The following TMBIM1 variants were observed in gnomAD, a reference collection of about 807,000 sequenced individuals.
The protein encoded by TMBIM1 is transmembrane BAX inhibitor motif containing 1.
In TMBIM1, 34 loss-of-function variants were observed where a neutral mutation model predicts 45.1. The observed-to-expected ratio is 0.75, with a 90% CI of 0.57 to 1.00. The LOEUF is 1.00. Among genes scored for constraint, TMBIM1 ranks in the 50% least tolerant of loss-of-function variants. The pLI is 0.00. For synonymous variants in TMBIM1, 157 were observed against 153.5 expected, an observed-to-expected ratio of 1.02 and a Z score of -0.17; for missense variants, 374 against 402.4, an observed-to-expected ratio of 0.93 and a Z score of 0.60.
intron 5 of TMBIM1, among the ~76,000 whole-genome samples, chr2:218,278,823 G>A (rs1691543979): frequency 1.3e-5 from 2 of 152,204 alleles, no homozygotes; most frequent in African/African-American, 4.8e-5. Flanking sequence ...CAGCGTGCAC[G>A]CCACCACCAG....
chr2:218,275,454 G>T lies in TMBIM1; in HGVS notation c.*21C>A, dbSNP rs762590223. The T allele has an allele frequency of 1.4e-5, 22 of 1,606,704 alleles. No individual in the cohort carries two copies. The highest frequency in any genetic ancestry group is 1.7e-5 in the Non-Finnish European group (20 of 1,175,944). The stretch of plus-strand genomic sequence containing the variant: ...CTTGGAAGGGAGAGCCCAGGATCGG[G>T]TGAAAATGGGGGCTTGCTCCTTAAT... On this transcript the variant is annotated 3_prime_UTR_variant, in exon 12 of 12. Coordinates refer to ENST00000258412, the MANE Select transcript of TMBIM1 (RefSeq NM_022152.6).
At position 218,279,388 on chromosome 2, in the gene TMBIM1, G is replaced by T. The variant is rs150890717; in HGVS notation, c.304-35C>A. Reference sequence around the variant, plus strand: ...GACGGCCGGGCATGGGTCACCATCCGGCACCCCTGGCCTGCCCCAGGAAGC... The same window carrying T: ...GACGGCCGGGCATGGGTCACCATCCTGCACCCCTGGCCTGCCCCAGGAAGC... On this transcript the variant is annotated intron_variant, in intron 3 of 11. Coordinates refer to ENST00000258412, the MANE Select transcript of TMBIM1 (RefSeq NM_022152.6). 14,347 of 1,522,444 alleles carry T rather than the reference G, an allele frequency of 9.4e-3. 89 individuals carry two copies. The highest frequency in any genetic ancestry group is 0.011 in the Non-Finnish European group (13,022 of 1,134,688). The allele number at this position is 1,522,444 out of a possible 1,614,324, so 94.3% of individuals were successfully genotyped here.
intron 3 of TMBIM1, chr2:218,279,640 C>G (rs1691660595): frequency 2.1e-6 from 1 of 487,400 alleles, no homozygotes; most frequent in Non-Finnish European, 3.7e-6. Flanking sequence ...GCACTCCCAG[C>G]AGCTCAGTCT....
Position 218,278,516 on chromosome 2 carries a change from T to C in TMBIM1, c.472A>G (p.Arg158Gly), listed in dbSNP as rs1425347266. Residue 158 changes from arginine to glycine, a missense_variant and splice_region_variant, in exon 6 of 12, where the codon AGA (arginine) becomes GGA (glycine). Transcript: ENST00000258412. Reference sequence around the variant, plus strand: ...CTGTGTTAAGTCTCTGGGACTCACCTGGGTCCCTGGCAGCAGGCAAGGATC... The same window carrying C: ...CTGTGTTAAGTCTCTGGGACTCACCCGGGTCCCTGGCAGCAGGCAAGGATC... ...YLILACCQGPRRRFPWNIILL... is the reference protein window; with the variant it reads ...YLILACCQGPGRRFPWNIILL... 1 of 1,614,112 alleles carries C rather than the reference T, an allele frequency of 6.2e-7. No individual in the cohort carries two copies. The highest frequency in any genetic ancestry group is 1.3e-5 in the African/African-American group (1 of 75,054).
chr2:218,277,571 AG>A, intron 8 of TMBIM1, 61 bp downstream of exon 8: 2 of 1,612,296 alleles, frequency 1.2e-6, no homozygotes, highest in Non-Finnish European at 1.7e-6. Flanking sequence ...CTGCCGGCCC[AG>A]GAACACCCCA....
chr2:218,276,152 C>G, intron 10 of TMBIM1, 73 bp from the exon 11 acceptor site: 1 of 1,529,758 alleles, frequency 6.5e-7, no homozygotes. Flanking sequence ...CCAGCTTCCC[C>G]CGGGATAGTG....
rs766464557 is a variant in TMBIM1 at position 218,276,122 on chromosome 2, A to C, written c.736-43T>G. On this transcript the variant is annotated intron_variant, in intron 10 of 11. Coordinates refer to ENST00000258412, the MANE Select transcript of TMBIM1 (RefSeq NM_022152.6). ...AGAGAATGGCATTAGAAACCTCAGC[A>C]AACCACAGGCCCACAGGCCCCAGCT... 1.3e-5 allele frequency: 21 copies of C among 1,601,538 alleles called. No individual in the cohort carries two copies. The Middle Eastern group carries it at 5.0e-4, about 38-fold the overall frequency.
intron 6 of TMBIM1, chr2:218,278,191 G>T: frequency 1.6e-6 from 1 of 617,694 alleles, no homozygotes; most frequent in Non-Finnish European, 2.8e-6. Context: ...AGAAACACCT[G>T]GATTGGTTTG....
chr2:218,277,317 A>G (rs772282650), intron 9 of TMBIM1, 49 bp downstream of exon 9: 3 of 1,568,506 alleles, frequency 1.9e-6, no homozygotes, highest in African/African-American at 2.7e-5. Flanking sequence ...TCCGGGCCTG[A>G]TAAGAAAGGG....
chr2:218,276,899 G>T (rs1691272299), intron 10 of TMBIM1, 105 bp downstream of exon 10: 2 of 900,548 alleles, frequency 2.2e-6, no homozygotes, highest in Non-Finnish European at 3.6e-6. Context: ...GGTTCTGGAG[G>T]TCAGAGCCTG....
intron 1 of TMBIM1, chr2:218,287,350 C>G (rs1692603046): frequency 6.6e-6 from 1 of 152,276 alleles, no homozygotes; most frequent in Admixed American, 6.5e-5. Flanking sequence ...CACACACCCT[C>G]TCCCAAGGAG....
intron 2 of TMBIM1, among the ~76,000 whole-genome samples, chr2:218,281,426 C>G (rs1237114552): frequency 6.6e-6 from 1 of 152,208 alleles, no homozygotes; most frequent in Non-Finnish European, 1.5e-5. Context: ...CGTGAGCCAC[C>G]GCGGCCGGCC....
Position 218,277,641 on chromosome 2 carries a change from G to A in TMBIM1, c.543C>T (p.Thr181=), listed in dbSNP as rs1233239925. Residue 181 remains threonine, a synonymous_variant, in exon 8 of 12, where the codon ACC becomes ACT. Coordinates refer to ENST00000258412, the MANE Select transcript of TMBIM1 (RefSeq NM_022152.6). The part of the protein sequence containing the change: ...FTFAMGFMTG[T]ISSMYQTKAV... ...TTTATCCCTGAATGTACCTGGAAAT[G>A]GTGCCCGTCATGAAGCCCATGGCAA... is the stretch of plus-strand genomic sequence containing the variant. 3.1e-6 allele frequency: 5 copies of A among 1,614,080 alleles called. No homozygotes were observed. The highest frequency in any genetic ancestry group is 4.2e-6 in the Non-Finnish European group (5 of 1,180,050).
Position 218,277,102 on chromosome 2 carries a change from G to A in TMBIM1, c.640-3C>T, listed in dbSNP as rs1481923628. On this transcript the variant is annotated splice_polypyrimidine_tract_variant and splice_region_variant and intron_variant, in intron 9 of 11. Transcript: ENST00000258412. ...CCTGTGCACGAGGTGAAGTCCACCT[G>A]CCAGGAAGCAAGAAAGAGGCACCTG... is the stretch of plus-strand genomic sequence containing the variant. The A allele has an allele frequency of 6.2e-7, 1 of 1,613,700 alleles. No homozygotes were observed. The highest frequency in any genetic ancestry group is 1.3e-5 in the African/African-American group (1 of 75,052).
intron 2 of TMBIM1, among the ~76,000 whole-genome samples, chr2:218,281,495 C>T (rs1691989075): frequency 6.6e-6 from 1 of 152,224 alleles, no homozygotes; most frequent in South Asian, 2.1e-4. Flanking sequence ...CCAAACTTGG[C>T]TCCAAATGTC....
At chr2:218,279,122 C>T in intron 4 of TMBIM1, 31 bp from the exon 5 acceptor site, 1 of 1,613,652 alleles carries the variant, frequency 6.2e-7, no homozygotes, top group Non-Finnish European at 8.5e-7. Context: ...GGAGTAGTCA[C>T]CCTGAGGCTT....
chr2:218,291,827 A>G (rs566941501), intron 1 of TMBIM1, among the ~76,000 whole-genome samples: 1 of 152,308 alleles, frequency 6.6e-6, no homozygotes, highest in African/African-American at 2.4e-5. Flanking sequence ...GCCGGGAAAC[A>G]GTGGCTGGAA....
chr2:218,278,515 C>T lies in TMBIM1; in HGVS notation c.473G>A (p.Arg158Lys). ...YLILACCQGP[R>K]RRFPWNIILL... ...ACTGTGTTAAGTCTCTGGGACTCAC[C>T]TGGGTCCCTGGCAGCAGGCAAGGAT... Residue 158 changes from arginine (R) to lysine (K), a missense_variant and splice_region_variant, in exon 6 of 12, where the codon AGA becomes AAA. Transcript: ENST00000258412. 2.5e-6 allele frequency: 4 copies of T among 1,614,122 alleles called. No homozygotes were observed. The highest frequency in any genetic ancestry group is 2.5e-6 in the Non-Finnish European group (3 of 1,179,978).
rs747883939 is a variant in TMBIM1 at position 218,277,910 on chromosome 2, C to A, written c.513+25G>T. On this transcript the variant is annotated intron_variant, in intron 7 of 11. Transcript: ENST00000258412. The stretch of plus-strand genomic sequence containing the variant: ...AGTCTCCCTCACAGCATCTCCACAC[C>A]CTCCTGCCACCCTTCTAGACTTACA... 19 of 1,613,982 alleles carry A rather than the reference C, an allele frequency of 1.2e-5. No homozygotes were observed. In the South Asian group the frequency reaches 2.1e-4, roughly 18 times the overall value.
Sources: allele counts gnomAD v4.1 joint callset (sites outside exome capture counted in the v4.1 genomes callset), GRCh38; gene constraint gnomAD v4.1.1; transcripts MANE v1.5; gene names NCBI Gene and HGNC (gene_info 2026-07-23, HGNC 2026-07-21).